The following SH2D4A variants were observed in gnomAD, a reference collection of about 807,000 sequenced individuals.
SH2D4A encodes the protein SH2 domain containing 4A.
In SH2D4A, 70 loss-of-function variants were observed where a neutral mutation model predicts 64.7. The observed-to-expected ratio is 1.08, with a 90% CI of 0.89 to 1.32. The LOEUF (loss-of-function observed/expected upper bound fraction) is 1.32. Among genes scored for constraint, SH2D4A ranks in the 40% most tolerant of loss-of-function variants. The probability of loss-of-function intolerance (pLI) is 0.00; values close to 1 mark genes in which losing one functional copy is unlikely to be tolerated. For synonymous variants in SH2D4A, 268 were observed against 200.7 expected (o/e 1.34, Z -2.83); for missense variants, 706 against 540.1 (o/e 1.31, Z -3.04).
At chr8:19,369,659 C>T (rs986784990) in intron 7 of SH2D4A, among the ~76,000 whole-genome samples, 3 of 151,904 alleles carry the variant, frequency 2.0e-5, no homozygotes, top group Non-Finnish European at 4.4e-5. Context: ...CTTTTTATTT[C>T]TGTGGTATCA....
chr8:19,327,853 T>C (rs2117194354), intron 2 of SH2D4A, among the ~76,000 whole-genome samples: 1 of 152,272 alleles, frequency 6.6e-6, no homozygotes, highest in African/African-American at 2.4e-5. Flanking sequence ...CACCATCCCT[T>C]CCATCCCGCC....
intron 4 of SH2D4A, among the ~76,000 whole-genome samples, chr8:19,356,930 A>C (rs2052800774): frequency 6.6e-6 from 1 of 152,258 alleles, no homozygotes; most frequent in East Asian, 1.9e-4. Context: ...TCCAGGGCCA[A>C]CTAAATGGGA....
At chr8:19,337,060 A>T (rs1314798300) in intron 4 of SH2D4A, among the ~76,000 whole-genome samples, 1 of 152,202 alleles carries the variant, frequency 6.6e-6, no homozygotes, top group Admixed American at 6.5e-5. Flanking sequence ...TGCCTGCTAA[A>T]CTGACATATG....
chr8:19,342,709 A>C (rs2117234002), intron 4 of SH2D4A, among the ~76,000 whole-genome samples: 1 of 152,224 alleles, frequency 6.6e-6, no homozygotes, highest in African/African-American at 2.4e-5. Context: ...TGCCCCCGGG[A>C]AGGTAATCAC....
intron 1 of SH2D4A, among the ~76,000 whole-genome samples, chr8:19,318,680 C>A (rs2052131507): frequency 6.6e-6 from 1 of 152,210 alleles, no homozygotes; most frequent in South Asian, 2.1e-4. Context: ...CGGTGACCTT[C>A]CAGAATGTAG....
At chr8:19,347,557 T>A (rs117195380) in intron 4 of SH2D4A, among the ~76,000 whole-genome samples, 1,961 of 152,314 alleles carry the variant, frequency 0.013, 14 homozygotes, top group Non-Finnish European at 0.021. Context: ...TTATATGTAA[T>A]TTGCAGGCTT....
intron 7 of SH2D4A, 96 bp from the exon 8 acceptor site, chr8:19,373,434 A>G (rs1042245557): frequency 3.3e-5 from 23 of 691,980 alleles, no homozygotes; most frequent in South Asian, 2.1e-4. Flanking sequence ...ATGTATATGT[A>G]TGTGTGTGTG....
At position 19,361,339 on chromosome 8, in the gene SH2D4A, C is replaced by T. The variant is rs1413164099; in HGVS notation, c.706+25C>T. The T allele has an allele frequency of 2.5e-6, 4 of 1,576,840 alleles. No individual in the cohort carries two copies. The African/African-American group carries it at 4.1e-5, about 16-fold the overall frequency. ...CGTGAGTACCCAGAGGTCTCCATAG[C>T]ACCTTCCAGGCTCTCAGCTGATTCT... On this transcript the variant is annotated intron_variant, in intron 6 of 9. Coordinates refer to ENST00000265807, the MANE Select transcript of SH2D4A (RefSeq NM_022071.4).
chr8:19,346,031 G>A (rs2052607788), intron 4 of SH2D4A, among the ~76,000 whole-genome samples: 1 of 152,168 alleles, frequency 6.6e-6, no homozygotes, highest in Non-Finnish European at 1.5e-5. Flanking sequence ...ATTTTCAAAG[G>A]ATATATTTTT....
At chr8:19,334,936 G>A (rs753336933) in intron 4 of SH2D4A, 79 bp downstream of exon 4, 20 of 1,469,738 alleles carry the variant, frequency 1.4e-5, no homozygotes, top group East Asian at 2.3e-5. Context: ...AGACTACTGT[G>A]GCTGAGTGTC....
intron 8 of SH2D4A, among the ~76,000 whole-genome samples, chr8:19,381,689 G>C (rs62493848): frequency 0.27 from 41,412 of 152,082 alleles, 6,163 homozygotes; most frequent in Non-Finnish European, 0.34. Flanking sequence ...AGGAATAGTT[G>C]AATAGAAATG....
chr8:19,361,077 CAG>C, intron 5 of SH2D4A, 124 bp from the exon 6 acceptor site: 1 of 540,864 alleles, frequency 1.8e-6, no homozygotes, highest in East Asian at 3.3e-5. Context: ...CCTAGTGGGC[CAG>C]AGAGTTAGAT....
intron 8 of SH2D4A, among the ~76,000 whole-genome samples, chr8:19,392,710 G>C (rs1216923839): frequency 6.6e-6 from 1 of 152,022 alleles, no homozygotes; most frequent in Non-Finnish European, 1.5e-5. Flanking sequence ...GCTCTAAATG[G>C]GTGTATAAGT....
intron 8 of SH2D4A, among the ~76,000 whole-genome samples, chr8:19,386,451 C>T (rs1488824694): frequency 2.0e-5 from 3 of 152,196 alleles, no homozygotes; most frequent in East Asian, 3.9e-4. Context: ...CCATTAGCTC[C>T]AGGCTCTTAC....
intron 8 of SH2D4A, among the ~76,000 whole-genome samples, chr8:19,376,834 C>A (rs902549392): frequency 1.3e-5 from 2 of 152,036 alleles, no homozygotes; most frequent in Non-Finnish European, 2.9e-5. Context: ...CTTAATGAAG[C>A]TAGATTTAAG....
chr8:19,388,410 G>A (rs1463952132), intron 8 of SH2D4A, among the ~76,000 whole-genome samples: 2 of 152,200 alleles, frequency 1.3e-5, no homozygotes, highest in Non-Finnish European at 2.9e-5. Context: ...CTGAGAGAAT[G>A]GGTGAGAGCA....
In SH2D4A at chr8:19,322,374, G is replaced by C. The variant is rs570825368; in HGVS notation, c.181+2646G>C. The stretch of plus-strand genomic sequence containing the variant: ...GCCTTTCTGGTTAGTACTGAGCTAA[G>C]TGCTGCTTTTTCTTAGCAGTTCTTA... On this transcript the variant is annotated intron_variant, in intron 2 of 9. Transcript: ENST00000265807. 2.6e-5 allele frequency among the ~76,000 whole-genome samples: 4 copies of C among 152,286 alleles called. No individual in the cohort carries two copies. In the South Asian group the frequency reaches 8.3e-4, roughly 32 times the overall value.
intron 1 of SH2D4A, among the ~76,000 whole-genome samples, chr8:19,318,592 T>C (rs1013964924): frequency 1.3e-5 from 2 of 152,202 alleles, no homozygotes; most frequent in Non-Finnish European, 2.9e-5. Flanking sequence ...TAATGACCTC[T>C]TCATCCCCCT....
At chr8:19,329,572 G>A (rs2052339136) in intron 2 of SH2D4A, among the ~76,000 whole-genome samples, 1 of 152,126 alleles carries the variant, frequency 6.6e-6, no homozygotes, top group Non-Finnish European at 1.5e-5. Flanking sequence ...TGTGTGATAT[G>A]GTTTGGATCT....
Sources: gnomAD v4.1 joint callset for allele counts (sites outside exome capture counted in the v4.1 genomes callset) on GRCh38, gnomAD v4.1.1 for gene constraint, MANE v1.5 for transcripts, NCBI Gene and HGNC (gene_info 2026-07-23, HGNC 2026-07-21) for gene names.